AGBL4: variants seen among roughly 807,000 people sequenced by gnomAD.
The protein encoded by AGBL4 is AGBL carboxypeptidase 4.
Under a neutral mutation model 66.4 loss-of-function variants are expected in AGBL4, and 58 were observed. That is an observed-to-expected ratio of 0.87 (90% CI 0.71 to 1.09). The LOEUF (loss-of-function observed/expected upper bound fraction) is 1.09. AGBL4 is among the 50% of genes least tolerant of loss of function. The pLI is 0.00. For synonymous variants in AGBL4, 234 were observed against 222.9 expected (o/e 1.05, Z -0.44); for missense variants, 579 against 631.0 (o/e 0.92, Z 0.88).
At chr1:49,379,301 T>C (rs1404873347) in intron 3 of AGBL4, among the ~76,000 whole-genome samples, 1 of 152,180 alleles carries the variant, frequency 6.6e-6, no homozygotes, top group Non-Finnish European at 1.5e-5. Flanking sequence ...TGAATTGTTA[T>C]ATGTGCATTC....
intron 6 of AGBL4, among the ~76,000 whole-genome samples, chr1:48,763,482 A>ATG (rs1392083609): frequency 6.6e-6 from 1 of 151,754 alleles, no homozygotes; most frequent in Non-Finnish European, 1.5e-5. Flanking sequence ...GTGTGTGTGT[A>ATG]TGTGTGTGTG....
intron 4 of AGBL4, among the ~76,000 whole-genome samples, chr1:49,115,902 G>GA (rs1645509841): frequency 6.6e-6 from 1 of 152,022 alleles, no homozygotes. Context: ...AGAATACCAA[G>GA]ATGACAGTAG....
At chr1:49,258,347 C>T (rs1652748117) in intron 3 of AGBL4, among the ~76,000 whole-genome samples, 1 of 152,148 alleles carries the variant, frequency 6.6e-6, no homozygotes, top group Admixed American at 6.5e-5. Flanking sequence ...TTCAGACGAT[C>T]AAACTACTCC....
chr1:49,736,859 A>C (rs970474089), intron 2 of AGBL4, among the ~76,000 whole-genome samples: 6 of 152,326 alleles, frequency 3.9e-5, no homozygotes, highest in Admixed American at 3.3e-4. Context: ...AAAGGACATG[A>C]ACAGACAGTT....
chr1:49,949,742 A>G (rs1293037520), intron 1 of AGBL4, among the ~76,000 whole-genome samples: 1 of 151,652 alleles, frequency 6.6e-6, no homozygotes, highest in African/African-American at 2.4e-5. Flanking sequence ...GAACACTTCT[A>G]CACTGCTGGT....
intron 3 of AGBL4, among the ~76,000 whole-genome samples, chr1:49,546,381 T>C (rs1442252328): frequency 6.6e-6 from 1 of 151,598 alleles, no homozygotes; most frequent in African/African-American, 2.4e-5. Flanking sequence ...TATATATACA[T>C]ATATACCACA....
At chr1:49,906,337 G>A (rs777873927) in intron 1 of AGBL4, among the ~76,000 whole-genome samples, 24 of 151,914 alleles carry the variant, frequency 1.6e-4, no homozygotes, top group Admixed American at 7.9e-4. Context: ...AGAGTTCACC[G>A]TACCAGAAGA....
downstream of AGBL4, among the ~76,000 whole-genome samples, chr1:48,529,687 T>C (rs1017286972): frequency 1.3e-5 from 2 of 151,840 alleles, no homozygotes; most frequent in Non-Finnish European, 2.9e-5. Flanking sequence ...GAACAAGAAA[T>C]GAGGGACATA....
intron 3 of AGBL4, among the ~76,000 whole-genome samples, chr1:49,525,617 T>C (rs569601344): frequency 3.2e-4 from 48 of 152,136 alleles, no homozygotes; most frequent in Admixed American, 1.8e-3. Context: ...GTATCAGGCA[T>C]TCCTTTACTT....
At chr1:49,600,149 C>T (rs956635442) in intron 3 of AGBL4, among the ~76,000 whole-genome samples, 5 of 152,144 alleles carry the variant, frequency 3.3e-5, no homozygotes, top group Non-Finnish European at 7.3e-5. Flanking sequence ...GAGCTGAGTT[C>T]AAGTCCTGAA....
chr1:50,006,108 G>A (rs974302598), intron 1 of AGBL4, among the ~76,000 whole-genome samples: 3 of 152,196 alleles, frequency 2.0e-5, no homozygotes. Context: ...GGGAGGCCGA[G>A]GTAGGCAGAT....
At chr1:48,669,965 G>T (rs1302288960) in intron 6 of AGBL4, among the ~76,000 whole-genome samples, 2 of 152,148 alleles carry the variant, frequency 1.3e-5, no homozygotes, top group African/African-American at 4.8e-5. Context: ...TATCTAAGTA[G>T]TAGACTCATT....
chr1:49,047,617 C>T (rs1294945997), intron 4 of AGBL4, among the ~76,000 whole-genome samples: 1 of 152,026 alleles, frequency 6.6e-6, no homozygotes, highest in Admixed American at 6.6e-5. Context: ...AGGAAAATGA[C>T]CCCTCCTGAT....
intron 6 of AGBL4, among the ~76,000 whole-genome samples, chr1:48,827,089 T>C (rs1646442747): frequency 6.6e-6 from 1 of 152,216 alleles, no homozygotes; most frequent in Non-Finnish European, 1.5e-5. Flanking sequence ...TTCTTTGAAA[T>C]TACCCCTGAT....
chr1:48,690,312 C>T (rs1206385084), intron 6 of AGBL4, among the ~76,000 whole-genome samples: 1 of 152,076 alleles, frequency 6.6e-6, no homozygotes, highest in African/African-American at 2.4e-5. Context: ...CCCAGAACAC[C>T]CTTTGATTTG....
chr1:49,794,190 G>A (rs985268620), intron 2 of AGBL4, among the ~76,000 whole-genome samples: 7 of 151,758 alleles, frequency 4.6e-5, no homozygotes, highest in African/African-American at 1.4e-4. Context: ...TTGAAGAGAC[G>A]GATTCTCACC....
At chr1:49,091,421 T>G (rs1645001809) in intron 4 of AGBL4, among the ~76,000 whole-genome samples, 1 of 151,726 alleles carries the variant, frequency 6.6e-6, no homozygotes, top group Admixed American at 6.6e-5. Context: ...GCAAAGGACA[T>G]GAAGAAGCAT....
chr1:48,744,996 AG>A (rs5774019), intron 6 of AGBL4, among the ~76,000 whole-genome samples: 97,962 of 152,064 alleles, frequency 0.64, 33,139 homozygotes, highest in Non-Finnish European at 0.77. Flanking sequence ...ACTCCCAGGT[AG>A]GGGGGGTCTC....
At chr1:49,842,410 C>A in intron 2 of AGBL4, 1 of 749,696 alleles carries the variant, frequency 1.3e-6, no homozygotes, top group Non-Finnish European at 1.8e-6. Flanking sequence ...CCCTTCAGGG[C>A]TGAGAGAAGC....
Sources: gnomAD v4.1 joint callset for allele counts (sites outside exome capture counted in the v4.1 genomes callset) on GRCh38, gnomAD v4.1.1 for gene constraint, MANE v1.5 for transcripts, NCBI Gene and HGNC (gene_info 2026-07-23, HGNC 2026-07-21) for gene names.